Variants in ZFHX4 observed in about 807,000 individuals in gnomAD.
The protein encoded by ZFHX4 is zinc finger homeobox protein 4.
A neutral mutation model predicts 267.6 loss-of-function variants in ZFHX4; 56 were observed. The ratio of observed to expected loss-of-function variants is 0.21; its 90% CI spans 0.17 to 0.26. The LOEUF (loss-of-function observed/expected upper bound fraction) is 0.26, where lower values mean the gene tolerates loss of function less well. ZFHX4 is among the 10% of genes least tolerant of loss of function. ZFHX4 has a pLI of 1.00. For missense variants in ZFHX4, 4,332 were observed against 4,420.0 expected (o/e 0.98, Z 0.56); for synonymous variants, 1,778 against 1,665.6 (o/e 1.07, Z -1.64).
chr8:76,747,457 A>G (rs1193917591), intron 3 of ZFHX4, among the ~76,000 whole-genome samples: 2 of 152,100 alleles, frequency 1.3e-5, no homozygotes, highest in African/African-American at 4.8e-5. Context: ...CCCAGTGTCT[A>G]TTGTTCCCCT....
intron 4 of ZFHX4, among the ~76,000 whole-genome samples, chr8:76,784,156 A>AT (rs1376954334): frequency 2.2e-4 from 34 of 152,020 alleles, no homozygotes; most frequent in African/African-American, 8.0e-4. Context: ...ATGCCAGTTG[A>AT]TATATAATTG....
intron 3 of ZFHX4, among the ~76,000 whole-genome samples, chr8:76,762,835 C>T (rs1186343016): frequency 6.6e-6 from 1 of 152,136 alleles, no homozygotes; most frequent in African/African-American, 2.4e-5. Flanking sequence ...TCTTCCAGTT[C>T]TCCAATAGAA....
intron 4 of ZFHX4, among the ~76,000 whole-genome samples, chr8:76,827,695 G>T (rs935921563): frequency 6.6e-6 from 1 of 151,966 alleles, no homozygotes; most frequent in Non-Finnish European, 1.5e-5. Flanking sequence ...TTCTTTTGAG[G>T]CCCCATTACA....
Position 76,854,896 on chromosome 8 carries a change from C to A in ZFHX4, c.7975C>A (p.Arg2659=), listed in dbSNP as rs774721534. 1.2e-6 allele frequency: 2 copies of A among 1,612,976 alleles called. No individual in the cohort carries two copies. Among genetic ancestry groups the A allele is most frequent in the East Asian group, 4.5e-5 (2 of 44,824 alleles). The change falls in exon 10 of 11, where the codon CGG becomes AGG. Residue 2659 remains arginine, a synonymous_variant. Coordinates refer to ENST00000651372, the MANE Select transcript of ZFHX4 (RefSeq NM_024721.5). ...AGTCTGGTTCCAGAATACACGAGCG[C>A]GGGAGAGGAAAGGCCAGTTCCGGGC... ...VQVWFQNTRA[R]ERKGQFRAVG... is the part of the protein sequence containing the mutation.
intron 1 of ZFHX4, 45 bp from the exon 2 acceptor site, chr8:76,703,998 C>T: frequency 2.4e-6 from 3 of 1,256,208 alleles, no homozygotes; most frequent in African/African-American, 1.5e-5. Flanking sequence ...TGAGCTGTGT[C>T]ATTATTTAAT....
chr8:76,724,342 G>T (rs73690869), intron 3 of ZFHX4, among the ~76,000 whole-genome samples: 60 of 151,968 alleles, frequency 3.9e-4, no homozygotes, highest in African/African-American at 1.4e-3. Context: ...AAACTGTGTC[G>T]CCTGCTCTTC....
chr8:76,851,340 C>A lies in ZFHX4; in HGVS notation c.4419C>A (p.Ser1473Arg), dbSNP rs540974936. The A allele has an allele frequency of 6.8e-6, 11 of 1,613,638 alleles. No individual in the cohort carries two copies. In the East Asian group the frequency reaches 1.8e-4, roughly 26 times the overall value. ...TGAATGGAGAACTGTGGGCAGAGAG[C>A]GAAACTATGTCCCAGGATGACCATG... is the stretch of plus-strand genomic sequence containing the variant. ...LPVNGELWAE[S>R]ETMSQDDHGL... Residue 1473 changes from serine (S) to arginine (R), a missense_variant, in exon 10 of 11, where the codon AGC becomes AGA. Around this residue, in one of 7 missense-constraint regions of ZFHX4, gnomAD observed 1,371 missense variants for 1,423.1 expected, o/e 0.96. Coordinates refer to ENST00000651372, the MANE Select transcript of ZFHX4 (RefSeq NM_024721.5).
chr8:76,861,235 CT>C (rs1812858793), intron 10 of ZFHX4, among the ~76,000 whole-genome samples: 2 of 151,924 alleles, frequency 1.3e-5, no homozygotes, highest in Admixed American at 1.3e-4. Context: ...CCAGGATTTT[CT>C]TTTCTTTTTG....
At chr8:76,712,297 G>C (rs1415820729) in intron 3 of ZFHX4, among the ~76,000 whole-genome samples, 1 of 152,096 alleles carries the variant, frequency 6.6e-6, no homozygotes, top group African/African-American at 2.4e-5. Context: ...AAGGTGTTGG[G>C]GAGGCCCACA....
intron 4 of ZFHX4, among the ~76,000 whole-genome samples, chr8:76,782,524 T>A (rs867074381): frequency 5.9e-5 from 9 of 152,012 alleles, no homozygotes; most frequent in Admixed American, 1.3e-4. Context: ...TCATTTTTTC[T>A]TAATTCAGTA....
chr8:76,768,060 T>C lies in ZFHX4; in HGVS notation c.3094-10148T>C, dbSNP rs536358615. Among the ~76,000 whole-genome samples, 3 of 152,246 alleles carry C rather than the reference T, an allele frequency of 2.0e-5. No homozygotes were observed. In the East Asian group the frequency reaches 5.8e-4, roughly 29 times the overall value. ...TCTTTTTGTTGAGGTGACATTTGGA[T>C]TGGGCTTTAAAATGGGTAAAATTGG... On this transcript the variant is annotated intron_variant, in intron 3 of 10. Transcript: ENST00000651372.
chr8:76,801,933 A>C (rs1811127718), intron 4 of ZFHX4, among the ~76,000 whole-genome samples: 1 of 152,122 alleles, frequency 6.6e-6, no homozygotes, highest in Non-Finnish European at 1.5e-5. Flanking sequence ...ATAGAGATTG[A>C]GGAGATGGGC....
chr8:76,736,776 C>A (rs1032230083), intron 3 of ZFHX4, among the ~76,000 whole-genome samples: 2 of 151,980 alleles, frequency 1.3e-5, no homozygotes, highest in African/African-American at 4.8e-5. Flanking sequence ...GCTTATATTG[C>A]AAAAATGCAG....
At chr8:76,787,730 G>A (rs1585945049) in intron 4 of ZFHX4, among the ~76,000 whole-genome samples, 1 of 151,558 alleles carries the variant, frequency 6.6e-6, no homozygotes, top group Admixed American at 6.6e-5. Flanking sequence ...GGAGAATGGC[G>A]TGAACCCGGG....
At chr8:76,802,536 G>C (rs1811141562) in intron 4 of ZFHX4, among the ~76,000 whole-genome samples, 1 of 152,160 alleles carries the variant, frequency 6.6e-6, no homozygotes, top group African/African-American at 2.4e-5. Context: ...AATTACTTCT[G>C]AAAAGAAAGA....
intron 3 of ZFHX4, among the ~76,000 whole-genome samples, chr8:76,763,794 A>G (rs564092768): frequency 2.6e-5 from 4 of 152,158 alleles, no homozygotes; most frequent in Non-Finnish European, 5.9e-5. Flanking sequence ...AAAAACATAT[A>G]AGCTGCTTAA....
intron 3 of ZFHX4, among the ~76,000 whole-genome samples, chr8:76,713,909 C>G (rs1447094314): frequency 6.6e-6 from 1 of 151,828 alleles, no homozygotes; most frequent in Non-Finnish European, 1.5e-5. Flanking sequence ...CACACACGAC[C>G]ACCACCACCA....
At chr8:76,811,455 T>C (rs1459832986) in intron 4 of ZFHX4, among the ~76,000 whole-genome samples, 1 of 152,198 alleles carries the variant, frequency 6.6e-6, no homozygotes, top group African/African-American at 2.4e-5. Context: ...TGTGATTTCA[T>C]TTCAGTGTCT....
chr8:76,837,876 A>G (rs554365930), intron 5 of ZFHX4, among the ~76,000 whole-genome samples: 35 of 152,326 alleles, frequency 2.3e-4, no homozygotes, highest in Non-Finnish European at 3.7e-4. Flanking sequence ...TTCAGAGAAG[A>G]CTTTTTAGAG....
Sources: gnomAD v4.1 joint callset for allele counts (sites outside exome capture counted in the v4.1 genomes callset) on GRCh38, gnomAD v4.1.1 for gene constraint, gnomAD v4.1.1 regional missense constraint, MANE v1.5 for transcripts, NCBI Gene and HGNC (gene_info 2026-07-23, HGNC 2026-07-21) for gene names.